Variants in MIA2 observed in about 807,000 individuals in gnomAD.
The protein encoded by MIA2 is melanoma inhibitory activity protein 2.
In MIA2, 127 loss-of-function variants were observed where a neutral mutation model predicts 167.8. The observed-to-expected ratio is 0.76, with a 90% confidence interval of 0.66 to 0.88. The LOEUF is 0.88. Ranked by LOEUF, MIA2 falls within the 40% of genes least tolerant of loss-of-function variation. The pLI is 0.00. For synonymous variants in MIA2, 552 were observed against 541.9 expected, an observed-to-expected ratio of 1.02 and a Z score of -0.26; for missense variants, 1,690 against 1,624.7, an observed-to-expected ratio of 1.04 and a Z score of -0.69.
chr14:39,364,680 C>A (rs191710125), intron 23 of MIA2, among the ~76,000 whole-genome samples: 155 of 151,646 alleles, frequency 1.0e-3, no homozygotes, highest in African/African-American at 3.5e-3. Flanking sequence ...CGAAGGAATA[C>A]TTTGCTGGGT....
intron 6 of MIA2, among the ~76,000 whole-genome samples, chr14:39,259,566 T>C (rs749785156): frequency 9.9e-5 from 15 of 152,126 alleles, no homozygotes; most frequent in Non-Finnish European, 2.1e-4. Context: ...GGTCTTGCTC[T>C]GTCACCCAGG....
intron 6 of MIA2, among the ~76,000 whole-genome samples, chr14:39,258,441 A>G (rs1026282605): frequency 1.3e-5 from 2 of 152,128 alleles, no homozygotes; most frequent in Admixed American, 1.3e-4. Flanking sequence ...CCATCAGGTC[A>G]TTTGTTCCTC....
chr14:39,348,624 C>A, intron 27 of MIA2, 119 bp from the exon 28 acceptor site: 2 of 1,392,570 alleles, frequency 1.4e-6, no homozygotes, highest in Non-Finnish European at 2.0e-6. Flanking sequence ...TTCTCTAGAG[C>A]TTTCTAAGAC....
At chr14:39,268,576 A>T (rs1055022865) in intron 6 of MIA2, among the ~76,000 whole-genome samples, 2 of 152,322 alleles carry the variant, frequency 1.3e-5, no homozygotes, top group Non-Finnish European at 2.9e-5. Context: ...GTGATGGGCA[A>T]TGATGCTTGC....
intron 6 of MIA2, 121 bp from the exon 7 acceptor site, chr14:39,276,813 T>C (rs1483346235): frequency 2.0e-6 from 2 of 999,534 alleles, no homozygotes; most frequent in Non-Finnish European, 3.0e-6. Flanking sequence ...TCTGATACTT[T>C]CTGTTTGGTG....
intron 24 of MIA2, among the ~76,000 whole-genome samples, chr14:39,322,829 C>A (rs1434723768): frequency 6.6e-6 from 1 of 152,122 alleles, no homozygotes; most frequent in Non-Finnish European, 1.5e-5. Context: ...AAAAGTCTTA[C>A]ATTTTCAGTT....
Position 39,324,569 on chromosome 14 carries a change from G to A in MIA2, c.3497-2295G>A, listed in dbSNP as rs996958484. ...AATTAATTTTGTTCTCTTAAAGGAG[G>A]TACTGAAATAGAGTAAGCATTTTTG... On this transcript the variant is annotated intron_variant, in intron 24 of 28. Coordinates refer to ENST00000640607, the MANE Select transcript of MIA2 (RefSeq NM_001329214.4). Among the ~76,000 whole-genome samples the A allele has an allele frequency of 3.3e-5, 5 of 151,944 alleles. 1 individual carries two copies. The highest frequency in any genetic ancestry group is 7.4e-5 in the Non-Finnish European group (5 of 67,988).
chr14:39,298,413 T>TTATTTATATATATATATATATATA (rs2061749382), intron 13 of MIA2, among the ~76,000 whole-genome samples: 1 of 26,138 alleles, frequency 3.8e-5, no homozygotes, highest in African/African-American at 1.4e-4. Context: ...TGATTCTGTT[T>TTATTTATATATATATATATATATA]TATATATATA....
chr14:39,360,390 A>G lies in MIA2; in HGVS notation c.2248+11413A>G, dbSNP rs150994238. On this transcript the variant is annotated intron_variant, in intron 23 of 23. Transcript: ENST00000341502. ...TTAGTGAGGTTGGACATTGTTTCATATACCTGTTGGCCATTTGTATGTCTT... is the reference window on the plus strand; with the variant it reads ...TTAGTGAGGTTGGACATTGTTTCATGTACCTGTTGGCCATTTGTATGTCTT... 9.0e-4 allele frequency among the ~76,000 whole-genome samples: 136 copies of G among 151,622 alleles called. 3 individuals carry two copies. The South Asian group carries it at 0.01, about 12-fold the overall frequency.
intron 3 of MIA2, among the ~76,000 whole-genome samples, chr14:39,240,883 A>G (rs2054006086): frequency 1.3e-5 from 2 of 152,180 alleles, no homozygotes; most frequent in African/African-American, 4.8e-5. Context: ...GTAGAGTGTA[A>G]TTGTTAAGAG....
intron 21 of MIA2, 75 bp from the exon 22 acceptor site, chr14:39,317,869 G>A (rs2065779722): frequency 1.1e-6 from 1 of 927,754 alleles, no homozygotes; most frequent in Non-Finnish European, 1.6e-6. Context: ...TTTAATGAAT[G>A]TTTATATTGA....
chr14:39,273,236 T>A (rs1309090217), intron 6 of MIA2, among the ~76,000 whole-genome samples: 1 of 50,862 alleles, frequency 2.0e-5, no homozygotes, highest in African/African-American at 1.3e-4. Flanking sequence ...GGAGAAAAGC[T>A]TTTTTTTTTT....
chr14:39,285,370 G>A (rs1242529627), intron 9 of MIA2, among the ~76,000 whole-genome samples: 4 of 150,168 alleles, frequency 2.7e-5, no homozygotes, highest in Admixed American at 2.6e-4. Flanking sequence ...GGCGGCGGCC[G>A]GGCGGGGGCT....
Position 39,293,810 on chromosome 14 carries a change from A to G in MIA2, c.2320-190A>G, listed in dbSNP as rs374596586. Among the ~76,000 whole-genome samples, 10 of 152,342 alleles carry G rather than the reference A, an allele frequency of 6.6e-5. No homozygotes were observed. The South Asian group carries it at 2.1e-3, about 32-fold the overall frequency. On this transcript the variant is annotated intron_variant, in intron 11 of 28. Transcript: ENST00000640607. ...TTAAATGTTATGAAATATTAAAGTTATGAGATACTATTGTTACGTAATGTT... is the reference window on the plus strand; with the variant it reads ...TTAAATGTTATGAAATATTAAAGTTGTGAGATACTATTGTTACGTAATGTT...
intron 23 of MIA2, among the ~76,000 whole-genome samples, chr14:39,320,642 A>G (rs922889444): frequency 1.3e-5 from 2 of 152,130 alleles, no homozygotes; most frequent in African/African-American, 4.8e-5. Context: ...TATATCTCCA[A>G]TATCCTTTGC....
intron 21 of MIA2, among the ~76,000 whole-genome samples, chr14:39,317,552 A>T (rs1341163594): frequency 6.6e-6 from 1 of 152,032 alleles, no homozygotes; most frequent in African/African-American, 2.4e-5. Context: ...AACTTTAGAG[A>T]TTTGAGGGTA....
intron 18 of MIA2, among the ~76,000 whole-genome samples, chr14:39,309,476 G>T (rs923755524): frequency 6.6e-6 from 1 of 152,140 alleles, no homozygotes; most frequent in Non-Finnish European, 1.5e-5. Context: ...TGACCTTAGG[G>T]TCTTTTGTGC....
intron 6 of MIA2, among the ~76,000 whole-genome samples, chr14:39,268,793 C>T: frequency 6.6e-6 from 1 of 152,108 alleles, no homozygotes; most frequent in East Asian, 1.9e-4. Flanking sequence ...GAAATAGCCT[C>T]TAAGAGCTAA....
At chr14:39,369,012 A>G (rs529929408) in intron 23 of MIA2, among the ~76,000 whole-genome samples, 4 of 152,302 alleles carry the variant, frequency 2.6e-5, no homozygotes, top group Non-Finnish European at 4.4e-5. Context: ...TGTCCTCACC[A>G]TGCTTGCTAA....
Sources: gnomAD v4.1 joint callset for allele counts (sites outside exome capture counted in the v4.1 genomes callset) on GRCh38, gnomAD v4.1.1 for gene constraint, MANE v1.5 for transcripts, NCBI Gene and HGNC (gene_info 2026-07-23, HGNC 2026-07-21) for gene names.